SERINC5: variants seen among roughly 807,000 people sequenced by gnomAD.
SERINC5 encodes serine incorporator 5, also known as chromosome 5 open reading frame 12.
Under a neutral mutation model 63.1 loss-of-function variants are expected in SERINC5, and 41 were observed. That is an observed-to-expected ratio of 0.65 (90% CI 0.51 to 0.84). SERINC5 has a LOEUF of 0.84. Ranked by LOEUF, SERINC5 falls within the 40% of genes least tolerant of loss-of-function variation. SERINC5 has a pLI of 0.00. For missense variants in SERINC5, 523 were observed against 573.0 expected, an observed-to-expected ratio of 0.91 and a Z score of 0.89; for synonymous variants, 222 against 215.2, an observed-to-expected ratio of 1.03 and a Z score of -0.28.
chr5:80,184,100 T>C (rs1580129577), intron 2 of SERINC5, among the ~76,000 whole-genome samples: 3 of 152,228 alleles, frequency 2.0e-5, no homozygotes, highest in South Asian at 4.1e-4. Context: ...CCTGTATGAG[T>C]AGTGCCAGTA....
At chr5:80,146,346 G>GC (rs1745825367) in intron 10 of SERINC5, 112 bp from the exon 11 acceptor site, 15 of 1,312,276 alleles carry the variant, frequency 1.1e-5, no homozygotes, top group Non-Finnish European at 1.6e-5. Context: ...ATGCCAGAAA[G>GC]CCATCTGTAC....
Position 80,158,974 on chromosome 5 carries a change from A to G in SERINC5, c.860-12T>C, listed in dbSNP as rs764568786. On this transcript the variant is annotated splice_polypyrimidine_tract_variant and intron_variant, in intron 7 of 11. Coordinates refer to ENST00000507668, the MANE Select transcript of SERINC5 (RefSeq NM_001174072.3). Reference sequence around the variant, plus strand: ...ATGTTCATCTAGAACTTGAAAAGAAAAAACAAAGTCATCACAGTCAAGTAC... The same window carrying G: ...ATGTTCATCTAGAACTTGAAAAGAAGAAACAAAGTCATCACAGTCAAGTAC... 1 of 1,613,208 alleles carries G rather than the reference A, an allele frequency of 6.2e-7. No individual in the cohort carries two copies. The highest frequency in any genetic ancestry group is 2.2e-5 in the East Asian group (1 of 44,876).
intron 1 of SERINC5, among the ~76,000 whole-genome samples, chr5:80,232,671 A>G (rs67010614): frequency 0.23 from 34,549 of 151,668 alleles, 4,873 homozygotes; most frequent in African/African-American, 0.4. Context: ...ATATTCCCAA[A>G]TACTGAGGAG....
At chr5:80,155,652 C>T (rs927447667) in intron 8 of SERINC5, among the ~76,000 whole-genome samples, 1 of 151,748 alleles carries the variant, frequency 6.6e-6, no homozygotes, top group African/African-American at 2.4e-5. Flanking sequence ...TGCCTGTAGT[C>T]CCAGCTACTT....
At chr5:80,125,851 T>C (rs1345886233) in intron 11 of SERINC5, among the ~76,000 whole-genome samples, 1 of 152,070 alleles carries the variant, frequency 6.6e-6, no homozygotes, top group Non-Finnish European at 1.5e-5. Flanking sequence ...GGAAAATAGA[T>C]GTAAATAAAG....
chr5:80,170,489 C>T (rs892615070), intron 5 of SERINC5, among the ~76,000 whole-genome samples: 2 of 152,200 alleles, frequency 1.3e-5, no homozygotes, highest in African/African-American at 4.8e-5. Context: ...TGGGGGGAGA[C>T]AGCAGTGTCA....
In SERINC5 at chr5:80,140,765, A is replaced by C; in HGVS notation, c.*2898T>G. 1 of 985,280 alleles carries C rather than the reference A, an allele frequency of 1.0e-6. No individual in the cohort carries two copies. The highest frequency in any genetic ancestry group is 4.7e-5 in the South Asian group (1 of 21,282). 61.0% of individuals were successfully genotyped at this position (985,280 alleles called of 1,614,324 possible). On this transcript the variant is annotated 3_prime_UTR_variant, in exon 12 of 12. Coordinates refer to ENST00000507668, the MANE Select transcript of SERINC5 (RefSeq NM_001174072.3). ...CCACTTAGTGTTTTTACTCATAAAA[A>C]TGAGGGGAAAACTTTTCTACATCAG...
Position 80,140,073 on chromosome 5 carries a change from T to C in SERINC5, c.*3590A>G. The C allele has an allele frequency of 1.0e-6, 1 of 982,494 alleles. No individual in the cohort carries two copies. The highest frequency in any genetic ancestry group is 1.2e-6 in the Non-Finnish European group (1 of 827,270). The allele number at this position is 982,494 out of a possible 1,614,324, so 60.9% of individuals were successfully genotyped here. A position where few individuals can be genotyped will look rare whatever the true frequency, so the allele number is the denominator to read the frequency against. On this transcript the variant is annotated 3_prime_UTR_variant, in exon 12 of 12. Transcript: ENST00000507668. Reference sequence around the variant, plus strand: ...GGCTGCGTGCAGTGGTTTACGCCTATAATCCCAGCACTTTGGGAAGCCAAG... The same window carrying C: ...GGCTGCGTGCAGTGGTTTACGCCTACAATCCCAGCACTTTGGGAAGCCAAG...
chr5:80,151,013 A>C (rs942787883), intron 8 of SERINC5, 65 bp from the exon 9 acceptor site: 2 of 1,242,072 alleles, frequency 1.6e-6, no homozygotes, highest in Non-Finnish European at 2.4e-6. Context: ...AATGAAGGGG[A>C]AAGCCGGCTG....
rs1439716340 is a variant in SERINC5 at position 80,140,172 on chromosome 5, G to A, written c.*3491C>T. On this transcript the variant is annotated 3_prime_UTR_variant, in exon 12 of 12. Coordinates refer to ENST00000507668, the MANE Select transcript of SERINC5 (RefSeq NM_001174072.3). Reference sequence around the variant, plus strand: ...CCATCTCTACAAAAAAATAAAAATCGGCCAGGTGTGATGGGGCAAACCTGT... The same window carrying A: ...CCATCTCTACAAAAAAATAAAAATCAGCCAGGTGTGATGGGGCAAACCTGT... The A allele has an allele frequency of 3.4e-5, 25 of 746,066 alleles. No individual in the cohort carries two copies. The highest frequency in any genetic ancestry group is 4.1e-5 in the Non-Finnish European group (25 of 612,272). The allele number at this position is 746,066 out of a possible 1,614,324, so 46.2% of individuals were successfully genotyped here. A position where few individuals can be genotyped will look rare whatever the true frequency, so the allele number is the denominator to read the frequency against.
At chr5:80,246,286 AAAC>A (rs1472654996) in intron 1 of SERINC5, among the ~76,000 whole-genome samples, 1 of 152,150 alleles carries the variant, frequency 6.6e-6, no homozygotes, top group Non-Finnish European at 1.5e-5. Context: ...TGCAAAAACA[AAAC>A]AAAACAAAAC....
intron 1 of SERINC5, among the ~76,000 whole-genome samples, chr5:80,241,190 G>A (rs1159540911): frequency 6.6e-6 from 1 of 152,060 alleles, no homozygotes; most frequent in East Asian, 1.9e-4. Flanking sequence ...AAAAGGCAAG[G>A]CTGGGCACAG....
chr5:80,165,139 T>C (rs111561380), intron 7 of SERINC5, among the ~76,000 whole-genome samples: 2 of 151,916 alleles, frequency 1.3e-5, no homozygotes, highest in African/African-American at 4.8e-5. Context: ...TAAACAGTCA[T>C]AAAAGAAAGT....
chr5:80,232,986 G>C (rs1233792755), intron 1 of SERINC5, among the ~76,000 whole-genome samples: 1 of 152,188 alleles, frequency 6.6e-6, no homozygotes, highest in Non-Finnish European at 1.5e-5. Context: ...GGAACTGGGA[G>C]TGACTGCTAA....
chr5:80,234,359 C>T (rs1175908949), intron 1 of SERINC5, among the ~76,000 whole-genome samples: 1 of 152,164 alleles, frequency 6.6e-6, no homozygotes, highest in Non-Finnish European at 1.5e-5. Flanking sequence ...GAAAAATCTA[C>T]ATTTACATAT....
chr5:80,121,168 T>C (rs1744528549), intron 11 of SERINC5, among the ~76,000 whole-genome samples: 1 of 152,218 alleles, frequency 6.6e-6, no homozygotes, highest in Non-Finnish European at 1.5e-5. Context: ...ATTACAGGCA[T>C]GAGCCAACGC....
rs1330331719 is a variant in SERINC5, at chr5:80,140,728, C to A, written c.*2935G>T. On this transcript the variant is annotated 3_prime_UTR_variant, in exon 12 of 12. Coordinates refer to ENST00000507668, the MANE Select transcript of SERINC5 (RefSeq NM_001174072.3). ...TATGACACTCCCATAAGAACCCCCA[C>A]CCCCCTGCCACCCACTTAGTGTTTT... The A allele has an allele frequency of 1.0e-6, 1 of 984,670 alleles. No homozygotes were observed. The allele number at this position is 984,670 out of a possible 1,614,324, so 61.0% of individuals were successfully genotyped here.
intron 9 of SERINC5, 25 bp from the exon 10 acceptor site, chr5:80,147,309 G>T: frequency 6.2e-7 from 1 of 1,601,592 alleles, no homozygotes. Context: ...GCAACAGTCA[G>T]GCGGCTTGTG....
chr5:80,112,038 A>AC (rs1744134554), intron 12 of SERINC5, among the ~76,000 whole-genome samples: 2 of 152,172 alleles, frequency 1.3e-5, no homozygotes, highest in African/African-American at 4.8e-5. Flanking sequence ...GCCCAGGAAA[A>AC]CCGGGTATTG....
Sources: gnomAD v4.1 joint callset for allele counts (sites outside exome capture counted in the v4.1 genomes callset) on GRCh38, gnomAD v4.1.1 for gene constraint, MANE v1.5 for transcripts, NCBI Gene and HGNC (gene_info 2026-07-23, HGNC 2026-07-21) for gene names.